Variants in NAV1 observed in about 807,000 individuals in gnomAD.
The protein encoded by NAV1 is neuron navigator 1.
NAV1 carries 18 observed loss-of-function variants against 175.2 expected under a neutral mutation model. The ratio of observed to expected loss-of-function variants is 0.10; its 90% CI spans 0.07 to 0.15. The LOEUF is 0.15. Ranked by LOEUF, NAV1 falls within the 10% of genes least tolerant of loss-of-function variation. The pLI is 1.00. For synonymous variants in NAV1, 897 were observed against 978.7 expected (o/e 0.92, Z 1.56); for missense variants, 1,731 against 2,436.6 (o/e 0.71, Z 6.10).
intron 3 of NAV1, among the ~76,000 whole-genome samples, chr1:201,748,913 C>T (rs757720982): frequency 6.6e-6 from 1 of 152,024 alleles, no homozygotes; most frequent in Non-Finnish European, 1.5e-5. Context: ...TTTGGGAGGC[C>T]GAGGCAGGCA....
chr1:201,670,554 ATGG>A (rs1392029241), intron 1 of NAV1, among the ~76,000 whole-genome samples: 1 of 151,076 alleles, frequency 6.6e-6, no homozygotes, highest in Non-Finnish European at 1.5e-5. Context: ...AGTGATGGTG[ATGG>A]TGGTAGAGAT....
chr1:201,648,876 G>A, exon 1 of NAV1: 1 of 1,612,430 alleles, frequency 6.2e-7, no homozygotes, highest in Non-Finnish European at 8.5e-7. Flanking sequence ...CTTCAAGTCC[G>A]GCAGCGTGGA....
chr1:201,594,227 T>C (rs1186850405), intron 2 of NAV1, among the ~76,000 whole-genome samples: 1 of 152,132 alleles, frequency 6.6e-6, no homozygotes, highest in Non-Finnish European at 1.5e-5. Flanking sequence ...AAGCAACCCC[T>C]ATACCTGGGC....
chr1:201,671,818 G>A (rs1670054946), intron 1 of NAV1, among the ~76,000 whole-genome samples: 1 of 152,170 alleles, frequency 6.6e-6, no homozygotes, highest in Non-Finnish European at 1.5e-5. Context: ...TCACAATACC[G>A]ATGCTGGCTT....
intron 1 of NAV1, among the ~76,000 whole-genome samples, chr1:201,652,816 T>A (rs559686455): frequency 6.6e-6 from 1 of 152,296 alleles, no homozygotes; most frequent in African/African-American, 2.4e-5. Flanking sequence ...CACCTCAATT[T>A]ATGATGGGGT....
At chr1:201,695,247 G>C (rs1671141828) in intron 1 of NAV1, among the ~76,000 whole-genome samples, 1 of 152,206 alleles carries the variant, frequency 6.6e-6, no homozygotes, top group African/African-American at 2.4e-5. Context: ...CCCCATGCCT[G>C]CTCCTCCACC....
intron 3 of NAV1, among the ~76,000 whole-genome samples, chr1:201,722,914 C>T (rs1018830088): frequency 7.9e-5 from 12 of 152,150 alleles, no homozygotes; most frequent in Admixed American, 1.3e-4. Flanking sequence ...GAGACCAGTC[C>T]GGCCAACTGG....
Position 201,782,163 on chromosome 1 carries a change from C to A in NAV1, c.1664-13C>A. 6.4e-7 allele frequency: 1 copy of A among 1,558,918 alleles called. No individual in the cohort carries two copies. The highest frequency in any genetic ancestry group is 1.2e-5 in the South Asian group (1 of 82,052). On this transcript the variant is annotated splice_polypyrimidine_tract_variant and intron_variant, in intron 5 of 29. Transcript: ENST00000367296. This position sits in a 1 kb window ranked among gnomAD's most constrained non-coding sequence, Gnocchi z 5.4. ...CAGTTTCAGCTCTTTTCTCATTTCC[C>A]GTCCTCTTGCAGGCAAACCTGAGGG...
intron 1 of NAV1, among the ~76,000 whole-genome samples, chr1:201,556,991 G>A (rs972693409): frequency 3.9e-5 from 6 of 152,174 alleles, no homozygotes; most frequent in Admixed American, 6.5e-5. Context: ...CAGGGTCCCG[G>A]GAACCCTGAC....
intron 1 of NAV1, among the ~76,000 whole-genome samples, chr1:201,569,080 C>T (rs980185523): frequency 2.6e-5 from 4 of 152,198 alleles, no homozygotes; most frequent in Non-Finnish European, 4.4e-5. Flanking sequence ...TCTGGGCAAA[C>T]CCAGGCCACT....
chr1:201,727,246 C>T (rs1672646289), intron 3 of NAV1, among the ~76,000 whole-genome samples: 2 of 152,160 alleles, frequency 1.3e-5, no homozygotes. Context: ...GTCACAGACA[C>T]ATTCTAGATG....
At position 201,813,110 on chromosome 1, in the gene NAV1, C is replaced by A; in HGVS notation, c.5222-30C>A. The A allele has an allele frequency of 2.6e-6, 4 of 1,511,892 alleles. No homozygotes were observed. The highest frequency in any genetic ancestry group is 3.7e-6 in the Non-Finnish European group (4 of 1,088,934). The allele number at this position is 1,511,892 out of a possible 1,614,324, so 93.7% of individuals were successfully genotyped here. A position where few individuals can be genotyped will look rare whatever the true frequency, so the allele number is the denominator to read the frequency against. The stretch of plus-strand genomic sequence containing the variant: ...CAACCGGGAAGATCTAGGTTCCCAG[C>A]CATCTTCATGGCCCCATCCTCTTCC... On this transcript the variant is annotated intron_variant, in intron 27 of 29. Transcript: ENST00000367296. This position sits in a 1 kb window ranked among gnomAD's most constrained non-coding sequence, Gnocchi z 4.2.
intron 1 of NAV1, among the ~76,000 whole-genome samples, chr1:201,652,133 A>T (rs973839253): frequency 1.3e-5 from 2 of 150,984 alleles, no homozygotes; most frequent in African/African-American, 2.4e-5. Flanking sequence ...ATGTTTCAGG[A>T]TTGTGATTGA....
intron 1 of NAV1, among the ~76,000 whole-genome samples, chr1:201,698,017 G>T (rs1433592932): frequency 6.6e-6 from 1 of 152,190 alleles, no homozygotes; most frequent in Non-Finnish European, 1.5e-5. Context: ...CTTGCCCAAG[G>T]TCACAGTGGT....
At chr1:201,715,413 G>A (rs565144061) in intron 2 of NAV1, among the ~76,000 whole-genome samples, 12 of 152,270 alleles carry the variant, frequency 7.9e-5, no homozygotes, top group Middle Eastern at 3.4e-3. Flanking sequence ...ACCCACTTCG[G>A]CCACCCAAAG....
chr1:201,609,941 C>A (rs1203096326), intron 2 of NAV1, among the ~76,000 whole-genome samples: 1 of 152,136 alleles, frequency 6.6e-6, no homozygotes, highest in Admixed American at 6.5e-5. Flanking sequence ...GATATTTATA[C>A]CCTTGTGGCT....
chr1:201,798,097 G>C (rs1281587815), intron 15 of NAV1: 3 of 152,156 alleles, frequency 2.0e-5, no homozygotes, highest in Non-Finnish European at 4.4e-5. Flanking sequence ...ATTATCATTT[G>C]CCTGGTTGCC....
chr1:201,588,884 A>G (rs141494466), intron 2 of NAV1, among the ~76,000 whole-genome samples: 7,553 of 151,582 alleles, frequency 0.05, 212 homozygotes, highest in Middle Eastern at 0.072. Flanking sequence ...GTCTCGCTCT[A>G]TCACCCAGGC....
At chr1:201,681,593 C>A (rs767982986) in intron 1 of NAV1, among the ~76,000 whole-genome samples, 15 of 152,238 alleles carry the variant, frequency 9.9e-5, no homozygotes, top group Non-Finnish European at 1.9e-4. Context: ...ATTTTCTGGC[C>A]TCTGTGTCTT....
Sources: gnomAD v4.1 joint callset for allele counts (sites outside exome capture counted in the v4.1 genomes callset) on GRCh38, gnomAD v4.1.1 for gene constraint, Gnocchi (gnomAD v3.1) non-coding constraint, MANE v1.5 for transcripts, NCBI Gene and HGNC (gene_info 2026-07-23, HGNC 2026-07-21) for gene names.